SLC1A3: variants seen among roughly 807,000 people sequenced by gnomAD.
SLC1A3 encodes excitatory amino acid transporter 1.
A neutral mutation model predicts 48.1 loss-of-function variants in SLC1A3; 21 were observed. The observed-to-expected ratio is 0.44, with a 90% CI of 0.31 to 0.63. The LOEUF is 0.63. SLC1A3 is among the 20% of genes least tolerant of loss of function. SLC1A3 has a pLI of 0.08. For missense variants in SLC1A3, 546 were observed against 689.0 expected (o/e 0.79, Z 2.32); for synonymous variants, 239 against 251.4 (o/e 0.95, Z 0.47).
chr5:36,619,480 A>T (rs529378025), intron 2 of SLC1A3, among the ~76,000 whole-genome samples: 35 of 151,738 alleles, frequency 2.3e-4, no homozygotes, highest in African/African-American at 8.2e-4. Context: ...TCTCTAAAAA[A>T]ATTTCTAAAA....
At chr5:36,652,095 T>G (rs972766553) in intron 3 of SLC1A3, among the ~76,000 whole-genome samples, 1 of 152,202 alleles carries the variant, frequency 6.6e-6, no homozygotes, top group Admixed American at 6.5e-5. Flanking sequence ...CCTGGAAAGA[T>G]TCACTGATTC....
chr5:36,641,454 T>G (rs966429039), intron 3 of SLC1A3, among the ~76,000 whole-genome samples: 5 of 152,226 alleles, frequency 3.3e-5, no homozygotes, highest in Non-Finnish European at 7.3e-5. Flanking sequence ...AGTTTCATTA[T>G]TTTAAAGCTA....
Position 36,622,438 on chromosome 5 carries a change from C to T in SLC1A3, c.182-7012C>T, listed in dbSNP as rs149824976. Reference sequence around the variant, plus strand: ...TTTAGTAAAATTTTACTATTTCAAACTCCAACATTTACCAAAAGTTAAGTA... The same window carrying T: ...TTTAGTAAAATTTTACTATTTCAAATTCCAACATTTACCAAAAGTTAAGTA... On this transcript the variant is annotated intron_variant, in intron 2 of 9. Transcript: ENST00000265113. Among the ~76,000 whole-genome samples, 1,199 of 152,300 alleles carry T rather than the reference C, an allele frequency of 7.9e-3. 11 individuals are homozygous for T. The highest frequency in any genetic ancestry group is 0.01 in the Non-Finnish European group (686 of 68,026).
chr5:36,636,921 C>A (rs571732928), intron 3 of SLC1A3, among the ~76,000 whole-genome samples: 1 of 152,240 alleles, frequency 6.6e-6, no homozygotes, highest in South Asian at 2.1e-4. Flanking sequence ...ATGGTCCATT[C>A]TTAGGTGGTC....
chr5:36,607,255 AC>A (rs1338821730), intron 1 of SLC1A3: 1 of 151,716 alleles, frequency 6.6e-6, no homozygotes, highest in African/African-American at 2.4e-5. Flanking sequence ...GTTTCCAGTT[AC>A]CTCCCCCACA....
intron 1 of SLC1A3, among the ~76,000 whole-genome samples, chr5:36,597,666 T>G (rs1038731150): frequency 4.6e-5 from 7 of 152,160 alleles, no homozygotes; most frequent in Non-Finnish European, 5.9e-5. Flanking sequence ...TCCTCAGTCT[T>G]TTTTCTGACC....
At chr5:36,680,914 TCAA>T (rs1561285457) in intron 8 of SLC1A3, among the ~76,000 whole-genome samples, 3 of 120,124 alleles carry the variant, frequency 2.5e-5, no homozygotes, top group Non-Finnish European at 1.6e-5. Context: ...AGACTCCATC[TCAA>T]AAAAAAAAAA....
chr5:36,644,019 A>C (rs1176568535), intron 3 of SLC1A3, among the ~76,000 whole-genome samples: 1 of 68,744 alleles, frequency 1.5e-5, no homozygotes, highest in Non-Finnish European at 3.8e-5. Flanking sequence ...CTCAAAAAAT[A>C]AATAAATAAA....
chr5:36,673,624 T>C (rs2111941158), intron 4 of SLC1A3, among the ~76,000 whole-genome samples: 1 of 152,326 alleles, frequency 6.6e-6, no homozygotes, highest in East Asian at 1.9e-4. Flanking sequence ...CAAAATTCCA[T>C]AGGCTGACCA....
intron 3 of SLC1A3, among the ~76,000 whole-genome samples, chr5:36,646,429 C>T (rs1337613329): frequency 4.6e-5 from 7 of 152,148 alleles, no homozygotes; most frequent in Admixed American, 4.6e-4. Flanking sequence ...AATATCCAAA[C>T]CTTTTGGAAA....
intron 3 of SLC1A3, among the ~76,000 whole-genome samples, chr5:36,635,109 G>A (rs1474998354): frequency 6.6e-6 from 1 of 150,968 alleles, no homozygotes; most frequent in Non-Finnish European, 1.5e-5. Flanking sequence ...AGCATTTATG[G>A]ACAAGAAAAG....
intron 2 of SLC1A3, among the ~76,000 whole-genome samples, chr5:36,626,438 A>T (rs1426459782): frequency 2.6e-5 from 4 of 152,204 alleles, no homozygotes; most frequent in Non-Finnish European, 5.9e-5. Context: ...ATTTCTAATA[A>T]CAAACAGCCA....
chr5:36,659,539 T>TA (rs1741422647), intron 3 of SLC1A3, among the ~76,000 whole-genome samples: 1 of 152,216 alleles, frequency 6.6e-6, no homozygotes, highest in Non-Finnish European at 1.5e-5. Flanking sequence ...AGGGATTACA[T>TA]ACCTTGACCA....
intron 2 of SLC1A3, among the ~76,000 whole-genome samples, chr5:36,622,452 A>G (rs1396320207): frequency 1.3e-5 from 2 of 152,306 alleles, no homozygotes; most frequent in East Asian, 3.9e-4. Flanking sequence ...AACATTTACC[A>G]AAAGTTAAGT....
intron 3 of SLC1A3, among the ~76,000 whole-genome samples, chr5:36,631,999 G>A (rs570782990): frequency 6.6e-6 from 1 of 152,318 alleles, no homozygotes; most frequent in East Asian, 1.9e-4. Flanking sequence ...TGCCTCCAGT[G>A]GCCACGTGGG....
At chr5:36,643,765 C>G (rs747406486) in intron 3 of SLC1A3, among the ~76,000 whole-genome samples, 1 of 151,954 alleles carries the variant, frequency 6.6e-6, no homozygotes, top group Non-Finnish European at 1.5e-5. Flanking sequence ...GTGGCCGAGG[C>G]GGGTGGATCA....
chr5:36,656,045 G>C (rs181571857), intron 3 of SLC1A3, among the ~76,000 whole-genome samples: 2 of 152,268 alleles, frequency 1.3e-5, no homozygotes, highest in East Asian at 3.9e-4. Context: ...TTGCAGTAAA[G>C]ATTATACTTA....
chr5:36,637,782 C>T (rs532597012), intron 3 of SLC1A3, among the ~76,000 whole-genome samples: 1 of 152,260 alleles, frequency 6.6e-6, no homozygotes, highest in East Asian at 1.9e-4. Context: ...GTCTTAGGCT[C>T]TTCTAATTTC....
intron 2 of SLC1A3, among the ~76,000 whole-genome samples, chr5:36,618,805 G>A (rs1364191259): frequency 1.3e-5 from 2 of 152,130 alleles, no homozygotes; most frequent in Non-Finnish European, 1.5e-5. Context: ...CAGAAAGGAA[G>A]GCAACAAGTC....
Sources: gnomAD v4.1 joint callset for allele counts (sites outside exome capture counted in the v4.1 genomes callset) on GRCh38, gnomAD v4.1.1 for gene constraint, MANE v1.5 for transcripts, NCBI Gene and HGNC (gene_info 2026-07-23, HGNC 2026-07-21) for gene names.